The following UPP2 variants were observed in gnomAD, a reference collection of about 807,000 sequenced individuals.
UPP2 encodes uridine phosphorylase 2.
UPP2 carries 23 observed loss-of-function variants against 26.7 expected under a neutral mutation model. The observed-to-expected ratio is 0.86, with a 90% CI of 0.62 to 1.22. UPP2 has a LOEUF of 1.22. Ranked by LOEUF, UPP2 falls within the 50% of genes most tolerant of loss-of-function variation. UPP2 has a pLI of 0.00. For missense variants in UPP2, 387 were observed against 396.7 expected, an observed-to-expected ratio of 0.98 and a Z score of 0.21; for synonymous variants, 127 against 141.3, an observed-to-expected ratio of 0.90 and a Z score of 0.72.
intron 3 of UPP2, among the ~76,000 whole-genome samples, chr2:158,064,270 T>G (rs1280059292): frequency 6.6e-6 from 1 of 152,222 alleles, no homozygotes. Context: ...GTTTCCTGAC[T>G]TTTTAATGAT....
chr2:158,018,269 C>T (rs972417037), intron 3 of UPP2, among the ~76,000 whole-genome samples: 2 of 152,192 alleles, frequency 1.3e-5, no homozygotes, highest in Admixed American at 6.5e-5. Flanking sequence ...AGTAAGGGTG[C>T]ACTTGTTTAC....
At chr2:158,099,557 G>A (rs80274181), upstream of UPP2, among the ~76,000 whole-genome samples, 1,753 of 152,234 alleles carry the variant, frequency 0.012, 34 homozygotes, top group African/African-American at 0.039. Flanking sequence ...TGCAGCCTCA[G>A]GTGAACCAAT....
Position 158,123,892 on chromosome 2 carries a change from A to G in UPP2, c.808A>G (p.Lys270Glu), listed in dbSNP as rs150668711. Residue 270 changes from lysine to glutamate, a missense_variant, in exon 6 of 7, where the codon AAA becomes GAA. Physicochemically the swap from Lys to Glu is moderately conservative, Grantham distance 56. Transcript: ENST00000005756. ...AGCTATGTGTGGACTCTGTGGTCTA[A>G]AAGGTAAGCTTTTCGTGAATGCTTA... ...FAAMCGLCGLKAAVVCVTLLD... is the reference protein window; with the variant it reads ...FAAMCGLCGLEAAVVCVTLLD... The G allele has an allele frequency of 6.2e-7, 1 of 1,613,064 alleles. No homozygotes were observed. The highest frequency in any genetic ancestry group is 1.3e-5 in the African/African-American group (1 of 74,968).
At chr2:158,030,372 T>C (rs373464978) in intron 3 of UPP2, among the ~76,000 whole-genome samples, 2 of 152,374 alleles carry the variant, frequency 1.3e-5, no homozygotes, top group South Asian at 2.1e-4. Context: ...TGAAAGTTTA[T>C]ATATTCAAAT....
rs577551546 is a variant in UPP2 at position 158,084,227 on chromosome 2, T to C, written c.148-17813T>C. 6.6e-5 allele frequency among the ~76,000 whole-genome samples: 10 copies of C among 152,294 alleles called. No individual in the cohort carries two copies. The East Asian group carries it at 9.6e-4, about 15-fold the overall frequency. On this transcript the variant is annotated intron_variant, in intron 3 of 9. Coordinates refer to the UPP2 transcript ENST00000605860. ...CTTGCAGGAGTAAGCTCATATTGTGTTGTGGTTTTGATTTCTATTTCCCTG... is the reference window on the plus strand; with the variant it reads ...CTTGCAGGAGTAAGCTCATATTGTGCTGTGGTTTTGATTTCTATTTCCCTG...
chr2:158,030,650 T>C (rs901994438), intron 3 of UPP2, among the ~76,000 whole-genome samples: 2 of 152,214 alleles, frequency 1.3e-5, no homozygotes, highest in Non-Finnish European at 2.9e-5. Context: ...GCCCAGCTAC[T>C]GTCTTTCAAA....
chr2:158,044,373 G>C (rs1486363764), intron 3 of UPP2, among the ~76,000 whole-genome samples: 1 of 152,126 alleles, frequency 6.6e-6, no homozygotes, highest in Admixed American at 6.5e-5. Context: ...TACAATGACT[G>C]GGAGGAGGGT....
At chr2:158,085,220 T>C (rs189827914) in intron 3 of UPP2, among the ~76,000 whole-genome samples, 1 of 152,276 alleles carries the variant, frequency 6.6e-6, no homozygotes, top group African/African-American at 2.4e-5. Flanking sequence ...CTTGGTTATG[T>C]ATATTCCTAA....
At chr2:158,021,071 A>G (rs1372165448) in intron 3 of UPP2, among the ~76,000 whole-genome samples, 1 of 152,148 alleles carries the variant, frequency 6.6e-6, no homozygotes, top group Non-Finnish European at 1.5e-5. Context: ...AAGCCCATGG[A>G]TCCCTTCTCA....
chr2:158,047,604 C>A (rs1441779112), intron 3 of UPP2, among the ~76,000 whole-genome samples: 1 of 152,152 alleles, frequency 6.6e-6, no homozygotes, highest in Non-Finnish European at 1.5e-5. Flanking sequence ...TTTTCCAGCA[C>A]CACTCCTTAG....
intron 2 of UPP2, among the ~76,000 whole-genome samples, chr2:158,004,769 T>C (rs1251841615): frequency 6.6e-6 from 1 of 152,244 alleles, no homozygotes; most frequent in African/African-American, 2.4e-5. Context: ...TGCCTTATTA[T>C]TCATTTGACT....
intron 2 of UPP2, among the ~76,000 whole-genome samples, chr2:158,012,174 A>C (rs910850598): frequency 2.6e-5 from 4 of 152,058 alleles, no homozygotes; most frequent in African/African-American, 9.7e-5. Context: ...TTTGATTGCT[A>C]ATCACTCTGA....
At chr2:158,020,278 C>T (rs549585608) in intron 3 of UPP2, among the ~76,000 whole-genome samples, 1 of 152,318 alleles carries the variant, frequency 6.6e-6, no homozygotes, top group East Asian at 1.9e-4. Context: ...CTTCGACTGT[C>T]CATGGTCCTC....
chr2:158,120,626 T>C (rs1243125967), intron 4 of UPP2, among the ~76,000 whole-genome samples: 1 of 152,046 alleles, frequency 6.6e-6, no homozygotes, highest in Non-Finnish European at 1.5e-5. Context: ...TATCTTCTTA[T>C]TCAGGCTTTA....
chr2:158,040,879 G>A (rs183012904), intron 3 of UPP2, among the ~76,000 whole-genome samples: 70 of 152,274 alleles, frequency 4.6e-4, no homozygotes, highest in Middle Eastern at 6.8e-3. Context: ...CTAGCCATGC[G>A]CCCAAGGGTT....
Position 158,125,569 on chromosome 2 carries a change from G to A in UPP2, c.811+1674G>A, listed in dbSNP as rs116639234. On this transcript the variant is annotated intron_variant, in intron 6 of 6. Coordinates refer to ENST00000005756, the MANE Select transcript of UPP2 (RefSeq NM_173355.4). ...CCCACATAGCTGGAATTACAAGCTT[G>A]TGCCACCATGCCCGGCTAACTTTTG... Among the ~76,000 whole-genome samples the A allele has an allele frequency of 4.5e-3, 684 of 152,052 alleles. 2 individuals are homozygous for A. The highest frequency in any genetic ancestry group is 0.015 in the African/African-American group (614 of 41,480).
rs938119457 is a variant in UPP2, at chr2:158,071,677, T to C, written c.148-30363T>C. Among the ~76,000 whole-genome samples, 3 of 151,688 alleles carry C rather than the reference T, an allele frequency of 2.0e-5. No homozygotes were observed. The East Asian group carries it at 5.8e-4, about 29-fold the overall frequency. On this transcript the variant is annotated intron_variant, in intron 3 of 9. Coordinates refer to the UPP2 transcript ENST00000605860. ...GTTCAGCCACAATAAGATAGGACAC[T>C]GGGCAGAGTTATGAGTCCCCCAGAC...
chr2:158,050,244 C>G (rs1039102606), intron 3 of UPP2, among the ~76,000 whole-genome samples: 3 of 152,168 alleles, frequency 2.0e-5, no homozygotes, highest in African/African-American at 7.2e-5. Flanking sequence ...CTCCTGGAGA[C>G]AGGTAACATA....
rs5835683 is a variant in UPP2, at chr2:158,003,714, T to TAAAA, written c.61+8468_61+8471dup. ...CAGAGTGAGACTGTTTCTCAAAAAA[T>TAAAA]AAAAAAAAAAAAAAAAGAGAGAAAA... On this transcript the variant is annotated intron_variant, in intron 2 of 9. Coordinates refer to the UPP2 transcript ENST00000605860. 5.3e-5 allele frequency among the ~76,000 whole-genome samples: 7 copies of TAAAA among 132,128 alleles called. No individual in the cohort carries two copies. The South Asian group carries it at 1.2e-3, about 22-fold the overall frequency. The allele number at this position is 132,128 out of a possible 152,430, so 86.7% of individuals were successfully genotyped here.
Sources: gnomAD v4.1 joint callset for allele counts (sites outside exome capture counted in the v4.1 genomes callset) on GRCh38, gnomAD v4.1.1 for gene constraint, MANE v1.5 for transcripts, NCBI Gene and HGNC (gene_info 2026-07-23, HGNC 2026-07-21) for gene names.